Variants in RERE observed in about 807,000 individuals in gnomAD.
RERE encodes arginine-glutamic acid dipeptide repeats protein.
Under a neutral mutation model 146.1 loss-of-function variants are expected in RERE, and 40 were observed. That is an observed-to-expected ratio of 0.27 (90% CI 0.21 to 0.36). The LOEUF is 0.36. Among genes scored for constraint, RERE ranks in the 10% least tolerant of loss-of-function variants. The pLI is 1.00. For missense variants in RERE, 1,933 were observed against 2,138.7 expected, an observed-to-expected ratio of 0.90 and a Z score of 1.90; for synonymous variants, 1,003 against 866.0, an observed-to-expected ratio of 1.16 and a Z score of -2.78.
intron 1 of RERE, among the ~76,000 whole-genome samples, chr1:8,746,001 G>A (rs558085204): frequency 3.9e-5 from 6 of 152,304 alleles, no homozygotes; most frequent in Non-Finnish European, 7.4e-5. Flanking sequence ...GGAAGTTGAG[G>A]CTGCAATGAG....
intron 3 of RERE, among the ~76,000 whole-genome samples, chr1:8,617,505 A>G (rs112740513): frequency 0.058 from 8,865 of 152,290 alleles, 389 homozygotes; most frequent in Non-Finnish European, 0.086. Flanking sequence ...TTCATTATCC[A>G]ACACTACACA....
chr1:8,623,583 T>C (rs1179750408), intron 3 of RERE, among the ~76,000 whole-genome samples: 1 of 152,224 alleles, frequency 6.6e-6, no homozygotes, highest in Non-Finnish European at 1.5e-5. Context: ...TCAATTTATT[T>C]ACATCAAGCT....
chr1:8,655,921 G>C, intron 2 of RERE, 52 bp downstream of exon 2: 1 of 1,579,488 alleles, frequency 6.3e-7, no homozygotes, highest in Non-Finnish European at 8.6e-7. Context: ...ATAATGCCAA[G>C]ATCATTCCCC....
At chr1:8,400,956 T>C (rs1313681683) in intron 12 of RERE, among the ~76,000 whole-genome samples, 2 of 135,988 alleles carry the variant, frequency 1.5e-5, no homozygotes, top group Non-Finnish European at 3.1e-5. Context: ...AGGTTGAGGC[T>C]GCAGTGAGCC....
intron 8 of RERE, among the ~76,000 whole-genome samples, chr1:8,500,820 C>T (rs1246450349): frequency 1.3e-5 from 2 of 151,386 alleles, no homozygotes; most frequent in Non-Finnish European, 2.9e-5. Context: ...CTCTGCCCCG[C>T]CGCCCTGTCT....
chr1:8,786,292 T>C (rs905337073), intron 1 of RERE: 26 of 937,646 alleles, frequency 2.8e-5, no homozygotes, highest in Non-Finnish European at 3.7e-5. Context: ...CATTCTATCT[T>C]GTGGAGAAAA....
intron 10 of RERE, among the ~76,000 whole-genome samples, chr1:8,484,502 T>G (rs1644874086): frequency 1.3e-5 from 2 of 151,614 alleles, no homozygotes; most frequent in South Asian, 4.1e-4. Context: ...CTCGGCTCAC[T>G]GCAAGCTCTG....
intron 2 of RERE, among the ~76,000 whole-genome samples, chr1:8,635,937 ATTATTTTATT>A (rs79715036): frequency 7.5e-5 from 11 of 147,346 alleles, no homozygotes; most frequent in Admixed American, 1.3e-4. Context: ...GTCTTCAATT[ATTATTTTATT>A]TTATCTTATC....
intron 1 of RERE, among the ~76,000 whole-genome samples, chr1:8,736,188 AGTTTGTTT>A (rs141597255): frequency 0.2 from 27,300 of 138,210 alleles, 2,808 homozygotes; most frequent in East Asian, 0.3. Flanking sequence ...TTAAACCATC[AGTTTGTTT>A]GTTTGTTTGT....
At chr1:8,443,234 G>A (rs1044629229) in intron 11 of RERE, among the ~76,000 whole-genome samples, 9 of 152,144 alleles carry the variant, frequency 5.9e-5, no homozygotes, top group South Asian at 2.1e-4. Flanking sequence ...AGGCCGCGGC[G>A]GGTGGATCAT....
intron 4 of RERE, among the ~76,000 whole-genome samples, chr1:8,577,755 C>T (rs913116835): frequency 2.0e-5 from 3 of 152,198 alleles, no homozygotes; most frequent in African/African-American, 7.2e-5. Flanking sequence ...ATCACTACAT[C>T]TTATTCATTG....
chr1:8,522,993 A>C (rs1338995885), intron 7 of RERE, among the ~76,000 whole-genome samples: 1 of 152,162 alleles, frequency 6.6e-6, no homozygotes, highest in Non-Finnish European at 1.5e-5. Flanking sequence ...CCTGGGCAAC[A>C]AGGTGAAATC....
chr1:8,800,028 G>C (rs1641556406), intron 1 of RERE, among the ~76,000 whole-genome samples: 1 of 152,036 alleles, frequency 6.6e-6, no homozygotes, highest in Non-Finnish European at 1.5e-5. Flanking sequence ...TGGCCAGACT[G>C]GTCTCGAACT....
intron 1 of RERE, among the ~76,000 whole-genome samples, chr1:8,806,339 C>G (rs899988320): frequency 3.3e-5 from 5 of 152,088 alleles, no homozygotes; most frequent in Admixed American, 2.6e-4. Flanking sequence ...CAAGACCTGC[C>G]TGGACAACAT....
chr1:8,628,445 A>G (rs1646999647), intron 2 of RERE, among the ~76,000 whole-genome samples: 1 of 152,236 alleles, frequency 6.6e-6, no homozygotes, highest in Non-Finnish European at 1.5e-5. Context: ...ATTCATTTTT[A>G]AAATCAAAGC....
At chr1:8,501,192 G>A (rs1645142496) in intron 8 of RERE, among the ~76,000 whole-genome samples, 2 of 148,948 alleles carry the variant, frequency 1.3e-5, no homozygotes, top group South Asian at 2.1e-4. Flanking sequence ...CAGCCGCCCC[G>A]TCCGGGAGGG....
chr1:8,555,634 A>G (rs1190781343), intron 6 of RERE, among the ~76,000 whole-genome samples: 3 of 152,164 alleles, frequency 2.0e-5, no homozygotes. Context: ...GTCTTTCACC[A>G]CTTTATTTCC....
chr1:8,537,050 A>T (rs955119458), intron 7 of RERE, among the ~76,000 whole-genome samples: 1 of 152,074 alleles, frequency 6.6e-6, no homozygotes, highest in Non-Finnish European at 1.5e-5. Context: ...AAAAAATTTA[A>T]AAAATGAGCC....
intron 1 of RERE, among the ~76,000 whole-genome samples, chr1:8,771,292 C>T (rs1286271203): frequency 1.3e-5 from 2 of 151,114 alleles, no homozygotes; most frequent in Non-Finnish European, 2.9e-5. Flanking sequence ...GAGGCCGAGG[C>T]GGGTGGATCA....
Sources: allele counts gnomAD v4.1 joint callset (sites outside exome capture counted in the v4.1 genomes callset), GRCh38; gene constraint gnomAD v4.1.1; transcripts MANE v1.5; gene names NCBI Gene and HGNC (gene_info 2026-07-23, HGNC 2026-07-21).